The following SGCZ variants were observed in gnomAD, a reference collection of about 807,000 sequenced individuals.
SGCZ encodes the protein zeta-sarcoglycan.
Under a neutral mutation model 41.3 loss-of-function variants are expected in SGCZ, and 40 were observed. The observed-to-expected ratio is 0.97, with a 90% CI of 0.75 to 1.26. The LOEUF is 1.26. SGCZ is among the 50% of genes most tolerant of loss of function. The probability of loss-of-function intolerance (pLI) is 0.00; values close to 1 mark genes in which losing one functional copy is unlikely to be tolerated. For missense variants in SGCZ, 552 were observed against 369.8 expected, an observed-to-expected ratio of 1.49 and a Z score of -4.04; for synonymous variants, 206 against 137.5, an observed-to-expected ratio of 1.50 and a Z score of -3.49.
intron 1 of SGCZ, among the ~76,000 whole-genome samples, chr8:15,004,035 G>T (rs544193220): frequency 1.3e-5 from 2 of 152,060 alleles, no homozygotes; most frequent in African/African-American, 2.4e-5. Context: ...AAAATCTAAC[G>T]CCCCAGAGAT....
rs112204577 is a variant in SGCZ at position 14,351,087 on chromosome 8, G to C, written c.235-26883C>G. On this transcript the variant is annotated intron_variant, in intron 2 of 7. Transcript: ENST00000382080. The stretch of plus-strand genomic sequence containing the variant: ...CTGTAGTGGCATTTTGTTTAGGTAT[G>C]TATAACTTTCCTCTTCCTAATTTTC... Among the ~76,000 whole-genome samples the C allele has an allele frequency of 5.3e-5, 8 of 152,098 alleles. 1 individual carries two copies. Among genetic ancestry groups the C allele is most frequent in the African/African-American group, 1.9e-4 (8 of 41,504 alleles).
intron 5 of SGCZ, among the ~76,000 whole-genome samples, chr8:14,130,619 T>C (rs1402998152): frequency 6.6e-6 from 1 of 152,132 alleles, no homozygotes; most frequent in East Asian, 1.9e-4. Flanking sequence ...ATAGTGAGGG[T>C]AAGAGAGTCC....
intron 1 of SGCZ, among the ~76,000 whole-genome samples, chr8:15,208,853 TTCCTATATA>T (rs1801152022): frequency 6.6e-6 from 1 of 150,682 alleles, no homozygotes; most frequent in African/African-American, 2.4e-5. Flanking sequence ...TCTTATATAA[TTCCTATATA>T]TCCTAAATAT....
At chr8:14,797,434 C>A (rs1053681181) in intron 1 of SGCZ, among the ~76,000 whole-genome samples, 4 of 152,134 alleles carry the variant, frequency 2.6e-5, no homozygotes, top group African/African-American at 4.8e-5. Flanking sequence ...TTGGCCCTAT[C>A]TTAGAGCTCT....
chr8:15,052,508 T>TG (rs1052394084), intron 1 of SGCZ, among the ~76,000 whole-genome samples: 1 of 152,098 alleles, frequency 6.6e-6, no homozygotes, highest in African/African-American at 2.4e-5. Context: ...TCGCAGTCAG[T>TG]GGAAGGCATT....
At chr8:14,172,735 G>T (rs1440786999) in intron 4 of SGCZ, among the ~76,000 whole-genome samples, 1 of 152,130 alleles carries the variant, frequency 6.6e-6, no homozygotes, top group Non-Finnish European at 1.5e-5. Context: ...TTGGCAGCTA[G>T]CAGGAGGAGA....
chr8:15,104,214 C>G (rs2131087052), intron 1 of SGCZ, among the ~76,000 whole-genome samples: 1 of 152,244 alleles, frequency 6.6e-6, no homozygotes, highest in East Asian at 1.9e-4. Context: ...AAAACAATCC[C>G]TTGCACAGGA....
At chr8:14,152,827 A>G (rs1803752318) in intron 5 of SGCZ, among the ~76,000 whole-genome samples, 1 of 152,200 alleles carries the variant, frequency 6.6e-6, no homozygotes, top group African/African-American at 2.4e-5. Context: ...CATTCATACT[A>G]TAGGTTACCA....
At chr8:14,138,461 C>G (rs531051251) in intron 5 of SGCZ, among the ~76,000 whole-genome samples, 1 of 146,598 alleles carries the variant, frequency 6.8e-6, no homozygotes, top group Non-Finnish European at 1.5e-5. Context: ...CAGAGACACA[C>G]ATAGGCTCAA....
chr8:15,004,747 T>C (rs564826327), intron 1 of SGCZ, among the ~76,000 whole-genome samples: 3 of 152,138 alleles, frequency 2.0e-5, no homozygotes, highest in Admixed American at 2.0e-4. Flanking sequence ...AACAAAAGTA[T>C]GTATTATAAG....
At chr8:14,555,571 G>C (rs1012425722) in intron 1 of SGCZ, among the ~76,000 whole-genome samples, 1 of 151,956 alleles carries the variant, frequency 6.6e-6, no homozygotes, top group African/African-American at 2.4e-5. Context: ...AGAACTAGGA[G>C]CCAATTAAAC....
intron 4 of SGCZ, among the ~76,000 whole-genome samples, chr8:14,230,531 G>C (rs1034646567): frequency 1.3e-5 from 2 of 152,040 alleles, no homozygotes; most frequent in African/African-American, 4.8e-5. Context: ...GGATTTAGCA[G>C]TCTCCAAAAT....
intron 1 of SGCZ, among the ~76,000 whole-genome samples, chr8:14,766,962 A>T (rs149635517): frequency 6.6e-6 from 1 of 152,110 alleles, no homozygotes; most frequent in Non-Finnish European, 1.5e-5. Flanking sequence ...ATAGAAACTA[A>T]ATGTTTTGAA....
intron 1 of SGCZ, among the ~76,000 whole-genome samples, chr8:14,650,318 C>A (rs776687964): frequency 6.6e-6 from 1 of 151,924 alleles, no homozygotes; most frequent in Non-Finnish European, 1.5e-5. Context: ...GGAGGTAGGA[C>A]GGAAGTTTAG....
chr8:14,857,448 T>C (rs566622181), intron 1 of SGCZ, among the ~76,000 whole-genome samples: 2 of 152,220 alleles, frequency 1.3e-5, no homozygotes, highest in Non-Finnish European at 2.9e-5. Flanking sequence ...TGAGCTTACA[T>C]TGCTTTCACA....
rs900949902 is a variant in SGCZ at position 14,174,423 on chromosome 8, T to C, written c.425-9721A>G. On this transcript the variant is annotated intron_variant, in intron 4 of 7. Coordinates refer to ENST00000382080, the MANE Select transcript of SGCZ (RefSeq NM_139167.4). Reference sequence around the variant, plus strand: ...CAACAACTGTAGCTGAAACACTTGATCATACATGTACTTCTAATTTAAATT... The same window carrying C: ...CAACAACTGTAGCTGAAACACTTGACCATACATGTACTTCTAATTTAAATT... Among the ~76,000 whole-genome samples the C allele has an allele frequency of 2.6e-5, 4 of 152,098 alleles. No individual in the cohort carries two copies. The South Asian group carries it at 6.2e-4, about 24-fold the overall frequency.
chr8:15,026,516 CA>C (rs1803462212), intron 1 of SGCZ, among the ~76,000 whole-genome samples: 2 of 152,072 alleles, frequency 1.3e-5, no homozygotes, highest in African/African-American at 4.8e-5. Context: ...GAAGTTCAAA[CA>C]AAAATGCATT....
intron 5 of SGCZ, among the ~76,000 whole-genome samples, chr8:14,133,330 C>T (rs748299115): frequency 1.3e-5 from 2 of 152,172 alleles, no homozygotes; most frequent in African/African-American, 2.4e-5. Flanking sequence ...AATCTTTTAA[C>T]CTAACATCTG....
chr8:14,423,230 T>A (rs1799683807), intron 2 of SGCZ, among the ~76,000 whole-genome samples: 1 of 151,746 alleles, frequency 6.6e-6, no homozygotes, highest in Admixed American at 6.6e-5. Flanking sequence ...AGTTAATGGG[T>A]GCAGCACACC....
Sources: gnomAD v4.1 joint callset for allele counts (sites outside exome capture counted in the v4.1 genomes callset) on GRCh38, gnomAD v4.1.1 for gene constraint, MANE v1.5 for transcripts, NCBI Gene and HGNC (gene_info 2026-07-23, HGNC 2026-07-21) for gene names.